WT1: variants seen among roughly 807,000 people sequenced by gnomAD.
WT1 encodes the protein WT1 transcription factor, also known as Wilms tumor protein.
A neutral mutation model predicts 60.8 loss-of-function variants in WT1; 8 were observed. The ratio of observed to expected loss-of-function variants is 0.13; its 90% CI spans 0.08 to 0.24. The LOEUF is 0.24. Ranked by LOEUF, WT1 falls within the 10% of genes least tolerant of loss-of-function variation. The probability of loss-of-function intolerance (pLI) is 1.00; values close to 1 mark genes in which losing one functional copy is unlikely to be tolerated. For synonymous variants in WT1, 312 were observed against 297.1 expected, an observed-to-expected ratio of 1.05 and a Z score of -0.52; for missense variants, 568 against 711.8, an observed-to-expected ratio of 0.80 and a Z score of 2.30.
intron 1 of WT1, chr11:32,428,971 C>A: frequency 8.1e-6 from 3 of 371,474 alleles, no homozygotes; most frequent in South Asian, 7.1e-5. Flanking sequence ...GGTTGTTCAC[C>A]CCCCAAAAAT....
rs1645295529 is a variant in WT1 at position 32,405,967 on chromosome 11, AC to A, written c.1017-5924del. On this transcript the variant is annotated intron_variant, in intron 5 of 9. Transcript: ENST00000452863. ...CTTTTATCATCATGAGACTTGAACG[AC>A]TCCCAGCTCTTTTCTCCAGCGGGAT... 2.0e-5 allele frequency among the ~76,000 whole-genome samples: 3 copies of A among 151,968 alleles called. No homozygotes were observed. In the South Asian group the frequency reaches 6.3e-4, roughly 32 times the overall value.
intron 4 of WT1, among the ~76,000 whole-genome samples, chr11:32,416,906 C>T (rs1450041273): frequency 6.6e-6 from 1 of 152,168 alleles, no homozygotes; most frequent in Non-Finnish European, 1.5e-5. Flanking sequence ...CCTGGAAGGA[C>T]ACCTGACACG....
At chr11:32,410,793 A>G (rs1446982647) in intron 5 of WT1, among the ~76,000 whole-genome samples, 1 of 152,234 alleles carries the variant, frequency 6.6e-6, no homozygotes, top group African/African-American at 2.4e-5. Flanking sequence ...TAGAATAAAT[A>G]AACTTGTTCG....
chr11:32,400,822 T>A (rs552755176), intron 5 of WT1, among the ~76,000 whole-genome samples: 1 of 152,364 alleles, frequency 6.6e-6, no homozygotes, highest in East Asian at 1.9e-4. Context: ...CCAGATGAGA[T>A]GAGGCAGACT....
intron 3 of WT1, among the ~76,000 whole-genome samples, chr11:32,422,438 T>C (rs1852885180): frequency 6.6e-6 from 1 of 152,212 alleles, no homozygotes. Flanking sequence ...CTGCCTATCA[T>C]TGCAGGAAAC....
At chr11:32,408,514 TAAAAAAAAAAAAA>T (rs58685266) in intron 5 of WT1, among the ~76,000 whole-genome samples, 157 of 74,236 alleles carry the variant, frequency 2.1e-3, no homozygotes, top group African/African-American at 6.7e-3. Flanking sequence ...GACTACGTCT[TAAAAAAAAAAAAA>T]AAAAAAAAAA....
chr11:32,417,789 A>G, intron 3 of WT1, 135 bp from the exon 4 acceptor site: 1 of 752,670 alleles, frequency 1.3e-6, no homozygotes, highest in East Asian at 2.7e-5. Context: ...GAATATGCAA[A>G]TCTGAATTAT....
intron 5 of WT1, 55 bp downstream of exon 5, chr11:32,416,435 G>A (rs1357171460): frequency 6.2e-7 from 1 of 1,610,406 alleles, no homozygotes; most frequent in Admixed American, 1.7e-5. Context: ...TGCCCCAGGT[G>A]CCAGTCAGCA....
chr11:32,406,236 G>T (rs1459930210), intron 5 of WT1, among the ~76,000 whole-genome samples: 1 of 152,104 alleles, frequency 6.6e-6, no homozygotes, highest in Admixed American at 6.5e-5. Flanking sequence ...GTGGGGTGGA[G>T]GTGGGGGTGG....
intron 7 of WT1, among the ~76,000 whole-genome samples, chr11:32,395,048 T>G (rs1384350615): frequency 6.6e-6 from 1 of 152,262 alleles, no homozygotes; most frequent in African/African-American, 2.4e-5. Context: ...CCTCAAAGTC[T>G]GTGGCCCACT....
At chr11:32,405,573 A>T (rs994601617) in intron 5 of WT1, among the ~76,000 whole-genome samples, 2 of 151,032 alleles carry the variant, frequency 1.3e-5, no homozygotes, top group African/African-American at 4.9e-5. Flanking sequence ...AAATATATAT[A>T]TTTTTCAATC....
intron 5 of WT1, among the ~76,000 whole-genome samples, chr11:32,410,880 A>G (rs571274501): frequency 5.2e-4 from 79 of 152,336 alleles, no homozygotes; most frequent in Admixed American, 1.7e-3. Flanking sequence ...ATAACTTTTT[A>G]TTAGTGTAGC....
intron 1 of WT1, among the ~76,000 whole-genome samples, chr11:32,433,658 C>A (rs1853383218): frequency 6.6e-6 from 1 of 152,246 alleles, no homozygotes; most frequent in Non-Finnish European, 1.5e-5. Flanking sequence ...TGGAAATCCA[C>A]TGAAAATAAA....
intron 5 of WT1, among the ~76,000 whole-genome samples, chr11:32,415,509 G>A (rs1431001790): frequency 6.6e-6 from 1 of 152,168 alleles, no homozygotes; most frequent in Admixed American, 6.5e-5. Flanking sequence ...TTAGCCGGGC[G>A]TGGTGGCACA....
At chr11:32,432,950 C>T (rs1033359268) in intron 1 of WT1, among the ~76,000 whole-genome samples, 24 of 152,234 alleles carry the variant, frequency 1.6e-4, no homozygotes, top group African/African-American at 5.3e-4. Flanking sequence ...GCAGACAGTG[C>T]TCTCGGATTC....
chr11:32,390,209 G>A (rs1004889041), intron 9 of WT1, among the ~76,000 whole-genome samples: 1 of 152,168 alleles, frequency 6.6e-6, no homozygotes. Flanking sequence ...GCCACCTGAC[G>A]GATCTTCTCA....
chr11:32,426,755 T>C (rs1853055940), intron 3 of WT1, among the ~76,000 whole-genome samples: 1 of 152,174 alleles, frequency 6.6e-6, no homozygotes, highest in Non-Finnish European at 1.5e-5. Flanking sequence ...GGCGCATCCC[T>C]GCACCTCTCT....
chr11:32,416,553 A>G lies in WT1; in HGVS notation c.966-13T>C, dbSNP rs758986691. 1 of 1,614,152 alleles carries G rather than the reference A, an allele frequency of 6.2e-7. No homozygotes were observed. Among genetic ancestry groups the G allele is most frequent in the South Asian group, 1.1e-5 (1 of 91,090 alleles). ...CCCAGCAGCAACTCTAGAAAAGAAG[A>G]AGAGGTGGGGAGTGGGGAATGGAGC... On this transcript the variant is annotated splice_polypyrimidine_tract_variant and intron_variant, in intron 4 of 9. Transcript: ENST00000452863.
At chr11:32,398,366 T>C (rs1564974399) in intron 6 of WT1, among the ~76,000 whole-genome samples, 1 of 152,198 alleles carries the variant, frequency 6.6e-6, no homozygotes, top group Non-Finnish European at 1.5e-5. Context: ...ATGAAACCCT[T>C]AGTAACTGTA....
Sources: gnomAD v4.1 joint callset for allele counts (sites outside exome capture counted in the v4.1 genomes callset) on GRCh38, gnomAD v4.1.1 for gene constraint, MANE v1.5 for transcripts, NCBI Gene and HGNC (gene_info 2026-07-23, HGNC 2026-07-21) for gene names.